SLC5A4: variants seen among roughly 807,000 people sequenced by gnomAD.
SLC5A4 encodes the protein solute carrier family 5 member 4.
SLC5A4 carries 55 observed loss-of-function variants against 70.3 expected under a neutral mutation model. The observed-to-expected ratio is 0.78, with a 90% CI of 0.63 to 0.98. SLC5A4 has a LOEUF of 0.98. Among genes scored for constraint, SLC5A4 ranks in the 50% least tolerant of loss-of-function variants. SLC5A4 has a pLI of 0.00. For synonymous variants in SLC5A4, 268 were observed against 305.7 expected (o/e 0.88, Z 1.29); for missense variants, 735 against 839.2 (o/e 0.88, Z 1.53).
At chr22:32,328,097 A>ACACAC in the SLC5A4 span, among the ~76,000 whole-genome samples, 178 of 108,824 alleles carry the variant, frequency 1.6e-3, no homozygotes, top group Non-Finnish European at 3.0e-3. Context: ...CCAACACACA[A>ACACAC]ACACACACAC....
the SLC5A4 span, among the ~76,000 whole-genome samples, chr22:32,314,949 T>A: frequency 1.3e-5 from 2 of 152,196 alleles, no homozygotes; most frequent in African/African-American, 4.8e-5. Context: ...GTTCCTCCCA[T>A]GACACATGGG....
At chr22:32,299,182 C>T in the SLC5A4 span, among the ~76,000 whole-genome samples, 1 of 85,548 alleles carries the variant, frequency 1.2e-5, no homozygotes, top group Non-Finnish European at 2.4e-5. Context: ...TCTGTATTTC[C>T]TGAATCTGAA....
the SLC5A4 span, among the ~76,000 whole-genome samples, chr22:32,348,269 G>A: frequency 1.6e-4 from 24 of 152,344 alleles, no homozygotes; most frequent in African/African-American, 5.5e-4. Flanking sequence ...CCATTTCTGT[G>A]GCTACTGGCC....
the SLC5A4 span, chr22:32,342,862 G>A: frequency 1.3e-5 from 2 of 152,160 alleles, no homozygotes; most frequent in African/African-American, 4.8e-5. Flanking sequence ...GAGAAAACTA[G>A]CTTTTTGGCT....
the SLC5A4 span, among the ~76,000 whole-genome samples, chr22:32,313,296 CTTG>C: frequency 1.8e-3 from 274 of 152,308 alleles, 1 homozygote; most frequent in African/African-American, 6.2e-3. Context: ...TCAGTTGACA[CTTG>C]TTGTTCTGAC....
intron 2 of SLC5A4, among the ~76,000 whole-genome samples, chr22:32,252,470 A>G (rs1278577719): frequency 6.6e-6 from 1 of 152,214 alleles, no homozygotes; most frequent in African/African-American, 2.4e-5. Context: ...GTATGATTCA[A>G]ATTTCATTGT....
the SLC5A4 span, among the ~76,000 whole-genome samples, chr22:32,316,108 GAAA>G: frequency 4.8e-4 from 64 of 132,018 alleles, 1 homozygote; most frequent in African/African-American, 8.4e-4. Flanking sequence ...GACTCTGTCT[GAAA>G]AAAAAAAAAA....
At chr22:32,323,667 G>A in the SLC5A4 span, among the ~76,000 whole-genome samples, 2 of 152,240 alleles carry the variant, frequency 1.3e-5, no homozygotes, top group Non-Finnish European at 2.9e-5. Flanking sequence ...GCTTGGAGAG[G>A]AGGTCCAGGT....
At chr22:32,310,103 G>A in the SLC5A4 span, among the ~76,000 whole-genome samples, 17 of 151,518 alleles carry the variant, frequency 1.1e-4, no homozygotes, top group Non-Finnish European at 1.5e-4. Flanking sequence ...CAGAAGGAAT[G>A]TCCTCCTAGA....
At chr22:32,255,043 T>C (rs1404418777) in intron 1 of SLC5A4, 152 bp downstream of exon 1, 1 of 766,992 alleles carries the variant, frequency 1.3e-6, no homozygotes, top group East Asian at 2.5e-5. Context: ...ATTAGTTCAT[T>C]GTAAGCGTTA....
rs117284509 is a variant in SLC5A4 at position 32,227,156 on chromosome 22, C to T, written c.1281-1333G>A. On this transcript the variant is annotated intron_variant, in intron 11 of 14. Coordinates refer to ENST00000266086, the MANE Select transcript of SLC5A4 (RefSeq NM_014227.3). Reference sequence around the variant, plus strand: ...TTCCACAAGGCAAGAATTTTAAAAACGTACATGTTTTTTTCCTATTTGTGT... The same window carrying T: ...TTCCACAAGGCAAGAATTTTAAAAATGTACATGTTTTTTTCCTATTTGTGT... Among the ~76,000 whole-genome samples, 368 of 152,226 alleles carry T rather than the reference C, an allele frequency of 2.4e-3. 10 individuals carry two copies. In the East Asian group the frequency reaches 0.052, roughly 21 times the overall value.
chr22:32,232,791 C>T, intron 9 of SLC5A4, 108 bp downstream of exon 9: 1 of 1,403,522 alleles, frequency 7.1e-7, no homozygotes, highest in South Asian at 1.4e-5. Flanking sequence ...TGGAAGTCTG[C>T]TTTTACTTCC....
chr22:32,331,115 G>A, the SLC5A4 span, among the ~76,000 whole-genome samples: 19 of 133,914 alleles, frequency 1.4e-4, no homozygotes, highest in African/African-American at 5.6e-4. Flanking sequence ...GCTCTTGTGT[G>A]TGTTCGAGGC....
the SLC5A4 span, among the ~76,000 whole-genome samples, chr22:32,273,802 A>AAAAC: frequency 5.3e-5 from 8 of 152,076 alleles, no homozygotes; most frequent in East Asian, 1.9e-4. Flanking sequence ...CAAGCAAACA[A>AAAAC]AAACAAACAA....
chr22:32,230,757 G>A (rs1462311745), intron 10 of SLC5A4, among the ~76,000 whole-genome samples: 1 of 152,188 alleles, frequency 6.6e-6, no homozygotes, highest in Admixed American at 6.5e-5. Context: ...TGAATCTGAA[G>A]GAGTAAGAAT....
the SLC5A4 span, among the ~76,000 whole-genome samples, chr22:32,314,090 G>A: frequency 6.6e-6 from 1 of 152,208 alleles, no homozygotes; most frequent in Non-Finnish European, 1.5e-5. Context: ...CCTCCCCAGA[G>A]TGAGAGATAC....
the SLC5A4 span, among the ~76,000 whole-genome samples, chr22:32,262,352 C>T: frequency 6.6e-6 from 1 of 152,130 alleles, no homozygotes; most frequent in Non-Finnish European, 1.5e-5. Context: ...CCAGTCACAG[C>T]CACAGCCACA....
chr22:32,318,817 C>T, the SLC5A4 span, among the ~76,000 whole-genome samples: 8 of 152,354 alleles, frequency 5.3e-5, no homozygotes, highest in South Asian at 1.7e-3. Flanking sequence ...ACCCCATCAC[C>T]TCCCTGTCCT....
chr22:32,339,651 G>A, the SLC5A4 span, among the ~76,000 whole-genome samples: 9,204 of 152,282 alleles, frequency 0.06, 374 homozygotes, highest in Non-Finnish European at 0.091. Flanking sequence ...TACACCTGCC[G>A]CCTCTGGAAA....
Sources: gnomAD v4.1 joint callset for allele counts (sites outside exome capture counted in the v4.1 genomes callset) on GRCh38, gnomAD v4.1.1 for gene constraint, MANE v1.5 for transcripts, NCBI Gene and HGNC (gene_info 2026-07-23, HGNC 2026-07-21) for gene names.